XYLT1: variants seen among roughly 807,000 people sequenced by gnomAD.
XYLT1 encodes the protein beta-D-xylosyltransferase 1.
XYLT1 carries 36 observed loss-of-function variants against 91.3 expected under a neutral mutation model. The observed-to-expected ratio is 0.39, with a 90% CI of 0.30 to 0.52. The LOEUF (loss-of-function observed/expected upper bound fraction) is 0.52. Ranked by LOEUF, XYLT1 falls within the 20% of genes least tolerant of loss-of-function variation. XYLT1 has a pLI of 0.68. For missense variants in XYLT1, 1,242 were observed against 1,284.5 expected, an observed-to-expected ratio of 0.97 and a Z score of 0.51; for synonymous variants, 588 against 532.0, an observed-to-expected ratio of 1.11 and a Z score of -1.45.
intron 11 of XYLT1, among the ~76,000 whole-genome samples, chr16:17,110,013 A>G (rs1247519546): frequency 6.6e-6 from 1 of 152,114 alleles, no homozygotes; most frequent in Non-Finnish European, 1.5e-5. Context: ...GGCCCCTCCT[A>G]TGTGCCAGTC....
Position 17,104,669 on chromosome 16 carries a change from A to G in XYLT1, c.*4026T>C, listed in dbSNP as rs1348861282. On this transcript the variant is annotated 3_prime_UTR_variant, in exon 12 of 12. Transcript: ENST00000261381. ...AAAAACAAAAACAAACAAACAAACA[A>G]CCCGACGTTGAAAAATCAGATTTTT... The G allele has an allele frequency of 6.6e-6, 1 of 151,510 alleles. No individual in the cohort carries two copies. Among genetic ancestry groups the G allele is most frequent in the Non-Finnish European group, 1.5e-5 (1 of 67,986 alleles). The allele number at this position is 151,510 out of a possible 1,614,324, so 9.4% of individuals were successfully genotyped here.
rs1256776514 is a variant in XYLT1 at position 17,141,222 on chromosome 16, C to T, written c.1518G>A (p.Val506=). The change falls in exon 7 of 12, where the codon GTG becomes GTA. Residue 506 remains valine, a synonymous_variant. Coordinates refer to ENST00000261381, the MANE Select transcript of XYLT1 (RefSeq NM_022166.4). The stretch of plus-strand genomic sequence containing the variant: ...TCACCAGATCGTCTGTGGAGAAGGT[C>T]ACATATTCTACAAACCTCCGGTTCA... ...FLLNRRFVEY[V]TFSTDDLVTK... The T allele has an allele frequency of 6.8e-6, 11 of 1,614,206 alleles. No individual in the cohort carries two copies. Among genetic ancestry groups the T allele is most frequent in the Non-Finnish European group, 9.3e-6 (11 of 1,180,030 alleles).
intron 3 of XYLT1, among the ~76,000 whole-genome samples, chr16:17,253,859 A>C (rs13330391): frequency 0.025 from 3,699 of 146,158 alleles, 84 homozygotes; most frequent in African/African-American, 0.051. Flanking sequence ...AGAGAGAGAG[A>C]GAGCGAGCCT....
chr16:17,379,763 T>TCTCACACACACACACACACACACACA (rs373354877), intron 1 of XYLT1, among the ~76,000 whole-genome samples: 1 of 125,546 alleles, frequency 8.0e-6, no homozygotes, highest in Non-Finnish European at 1.7e-5. Context: ...TCTCTCTCTC[T>TCTCACACACACACACACACACACACA]CACACACACA....
chr16:17,332,802 C>T (rs1023897467), intron 2 of XYLT1, among the ~76,000 whole-genome samples: 4 of 152,068 alleles, frequency 2.6e-5, no homozygotes, highest in Non-Finnish European at 5.9e-5. Flanking sequence ...CATTTATAGT[C>T]ATCCAGTAGA....
chr16:17,400,824 T>C (rs1344563775), intron 1 of XYLT1, among the ~76,000 whole-genome samples: 4 of 151,962 alleles, frequency 2.6e-5, no homozygotes, highest in African/African-American at 4.8e-5. Context: ...GGACACCTGA[T>C]CTGAAGTTTG....
chr16:17,214,392 T>C (rs1211583077), intron 3 of XYLT1, among the ~76,000 whole-genome samples: 2 of 152,166 alleles, frequency 1.3e-5, no homozygotes, highest in Non-Finnish European at 2.9e-5. Context: ...CCCTCCTTCA[T>C]AGGGAGGAAC....
At chr16:17,414,650 G>A (rs1318286389) in intron 1 of XYLT1, among the ~76,000 whole-genome samples, 2 of 152,172 alleles carry the variant, frequency 1.3e-5, no homozygotes. Context: ...GAGCAAAAGG[G>A]CATTTCTGCA....
intron 1 of XYLT1, among the ~76,000 whole-genome samples, chr16:17,423,947 TC>T (rs2036280716): frequency 6.6e-6 from 1 of 152,168 alleles, no homozygotes; most frequent in South Asian, 2.1e-4. Context: ...GGAGCAATTC[TC>T]ATAGTATAAG....
At chr16:17,167,862 C>A (rs1028559967) in intron 5 of XYLT1, among the ~76,000 whole-genome samples, 4 of 152,092 alleles carry the variant, frequency 2.6e-5, no homozygotes, top group Non-Finnish European at 5.9e-5. Context: ...GGATTCTAAC[C>A]CATCCTTCCA....
chr16:17,332,611 C>T (rs541949838), intron 2 of XYLT1, among the ~76,000 whole-genome samples: 3 of 147,050 alleles, frequency 2.0e-5, no homozygotes, highest in Admixed American at 6.8e-5. Flanking sequence ...CACACACACA[C>T]GGCTTCCTGA....
At chr16:17,148,140 C>T (rs1271598104) in intron 6 of XYLT1, among the ~76,000 whole-genome samples, 1 of 152,222 alleles carries the variant, frequency 6.6e-6, no homozygotes, top group African/African-American at 2.4e-5. Flanking sequence ...CCCATGACAC[C>T]TGTGTCTTGA....
At chr16:17,175,069 C>T (rs974642957) in intron 5 of XYLT1, among the ~76,000 whole-genome samples, 1 of 152,190 alleles carries the variant, frequency 6.6e-6, no homozygotes, top group African/African-American at 2.4e-5. Context: ...CCACATCCAG[C>T]CAACATATTT....
intron 3 of XYLT1, chr16:17,251,225 G>A (rs915523728): frequency 6.6e-6 from 1 of 152,242 alleles, no homozygotes; most frequent in African/African-American, 2.4e-5. Flanking sequence ...AAAGGCTGAT[G>A]GGTAAAGACG....
chr16:17,385,531 C>T (rs534355395), intron 1 of XYLT1, among the ~76,000 whole-genome samples: 3 of 151,874 alleles, frequency 2.0e-5, no homozygotes, highest in African/African-American at 7.2e-5. Flanking sequence ...ATTTTTGACA[C>T]AATACACGGT....
chr16:17,338,310 C>G (rs920787038), intron 2 of XYLT1: 3 of 456,386 alleles, frequency 6.6e-6, no homozygotes, highest in African/African-American at 6.0e-5. Context: ...ATTACCTACA[C>G]GATACATCTG....
intron 2 of XYLT1, among the ~76,000 whole-genome samples, chr16:17,356,275 GA>G (rs2035293890): frequency 6.6e-6 from 1 of 152,138 alleles, no homozygotes; most frequent in African/African-American, 2.4e-5. Context: ...TGACTTTATA[GA>G]ATAGATGAAA....
At chr16:17,176,892 A>T (rs1407087238) in intron 5 of XYLT1, among the ~76,000 whole-genome samples, 1 of 151,580 alleles carries the variant, frequency 6.6e-6, no homozygotes, top group Non-Finnish European at 1.5e-5. Flanking sequence ...TATAAACTGA[A>T]CCAATCTCAT....
rs534563830 is a variant in XYLT1, at chr16:17,261,086, AC to A, written c.403-1589del. On this transcript the variant is annotated intron_variant, in intron 2 of 11. Coordinates refer to ENST00000261381, the MANE Select transcript of XYLT1 (RefSeq NM_022166.4). Reference sequence around the variant, plus strand: ...CCATCTCTACCAATAACACACACACACAAAAAATAGCTAGGGGTGGTGGTGC... The same window carrying A: ...CCATCTCTACCAATAACACACACACAAAAAAATAGCTAGGGGTGGTGGTGC... Among the ~76,000 whole-genome samples, 306 of 152,172 alleles carry A rather than the reference AC, an allele frequency of 2.0e-3. 1 individual carries two copies. The highest frequency in any genetic ancestry group is 6.6e-3 in the African/African-American group (274 of 41,518).
Sources: gnomAD v4.1 joint callset for allele counts (sites outside exome capture counted in the v4.1 genomes callset) on GRCh38, gnomAD v4.1.1 for gene constraint, MANE v1.5 for transcripts, NCBI Gene and HGNC (gene_info 2026-07-23, HGNC 2026-07-21) for gene names.